AK6: variants seen among roughly 807,000 people sequenced by gnomAD.
AK6 encodes adenylate kinase isoenzyme 6.
A neutral mutation model predicts 23.7 loss-of-function variants in AK6; 24 were observed. The ratio of observed to expected loss-of-function variants is 1.01; its 90% CI spans 0.73 to 1.43. The LOEUF (loss-of-function observed/expected upper bound fraction) is 1.43. AK6 is among the 40% of genes most tolerant of loss of function. The pLI is 0.00. For missense variants in AK6, 191 were observed against 199.1 expected (o/e 0.96, Z 0.24); for synonymous variants, 73 against 69.8 (o/e 1.05, Z -0.23).
intron 4 of AK6, 135 bp from the exon 5 acceptor site, chr5:69,352,388 T>C: frequency 1.6e-6 from 1 of 620,348 alleles, no homozygotes; most frequent in Non-Finnish European, 2.7e-6. Flanking sequence ...TAGAGAGGAG[T>C]GACTGGTACC....
At chr5:69,369,322 G>A (rs901160778) in intron 1 of AK6, 141 bp downstream of exon 1, 11 of 716,568 alleles carry the variant, frequency 1.5e-5, no homozygotes, top group Non-Finnish European at 2.1e-5. Context: ...GTCGGCTCCC[G>A]GGGCGCTGAC....
intron 1 of AK6, chr5:69,367,930 G>T (rs1163338630): frequency 1.3e-5 from 2 of 152,212 alleles, no homozygotes; most frequent in Non-Finnish European, 1.5e-5. Context: ...TTTGGGAGGA[G>T]AAGGCGGGAG....
At chr5:69,353,631 T>C (rs956186106) in intron 4 of AK6, among the ~76,000 whole-genome samples, 1 of 152,162 alleles carries the variant, frequency 6.6e-6, no homozygotes, top group Non-Finnish European at 1.5e-5. Context: ...GTAATGATTG[T>C]ACAACTTTTT....
rs1200661772 is a variant in AK6 at position 69,352,222 on chromosome 5, T to C, written c.358A>G (p.Ile120Val). 2.2e-5 allele frequency: 35 copies of C among 1,613,650 alleles called. No individual in the cohort carries two copies. The highest frequency in any genetic ancestry group is 3.0e-5 in the Non-Finnish European group (35 of 1,179,756). Residue 120 changes from isoleucine (I) to valine (V), a missense_variant, in exon 5 of 5, where the codon ATT becomes GTT. By Grantham distance (29) the Ile-to-Val change is conservative. Coordinates refer to ENST00000380822, the MANE Select transcript of AK6 (RefSeq NM_016283.5). ...AGAACTTGAAAAATCTCACACTGAATATTGTCTGTTAGTTTCTTCTCATTA... is the reference window on the plus strand; with the variant it reads ...AGAACTTGAAAAATCTCACACTGAACATTGTCTGTTAGTTTCTTCTCATTA... ...GYNEKKLTDN[I>V]QCEIFQVLYE...
Position 69,369,236 on chromosome 5 carries a change from G to GC in AK6, c.28+226dup, listed in dbSNP as rs35387047. 5.3e-3 allele frequency: 634 copies of GC among 119,544 alleles called. 5 individuals carry two copies. The highest frequency in any genetic ancestry group is 0.016 in the African/African-American group (395 of 25,232). 7.4% of individuals were successfully genotyped at this position (119,544 alleles called of 1,614,324 possible). A position where few individuals can be genotyped will look rare whatever the true frequency, so the allele number is the denominator to read the frequency against. ...TGCCGACCTCTCTCCACCCCCCCCCGCCCCCCCCCGGAGCCTCAGGCCAAC... is the reference window on the plus strand; with the variant it reads ...TGCCGACCTCTCTCCACCCCCCCCCGCCCCCCCCCCGGAGCCTCAGGCCAAC... On this transcript the variant is annotated intron_variant, in intron 1 of 4. Coordinates refer to ENST00000380822, the MANE Select transcript of AK6 (RefSeq NM_016283.5).
Position 69,352,080 on chromosome 5 carries a change from A to T in AK6, c.500T>A (p.Ile167Asn). ...DQILKWIEQW[I>N]KDHNS ...TATAAGTCAAGAGTTATGATCTTTG[A>T]TCCACTGCTCAATCCATTTCAAGAT... The change falls in exon 5 of 5, where the codon ATC becomes AAC. Residue 167 changes from isoleucine (I) to asparagine (N), a missense_variant. By Grantham distance (149) the Ile-to-Asn change is moderately radical. Coordinates refer to ENST00000380822, the MANE Select transcript of AK6 (RefSeq NM_016283.5). 1 of 1,611,110 alleles carries T rather than the reference A, an allele frequency of 6.2e-7. No homozygotes were observed. Among genetic ancestry groups the T allele is most frequent in the Non-Finnish European group, 8.5e-7 (1 of 1,179,202 alleles).
rs1022385507 is a variant in AK6, at chr5:69,369,307, C to G, written c.28+156G>C. 1.8e-5 allele frequency: 13 copies of G among 717,870 alleles called. No homozygotes were observed. In the South Asian group the frequency reaches 3.3e-4, roughly 18 times the overall value. 44.5% of individuals were successfully genotyped at this position (717,870 alleles called of 1,614,324 possible). ...CCTCCCTCGCCTCCCGCAACGCCCG[C>G]GAGGGTCGGCTCCCGGGGCGCTGAC... On this transcript the variant is annotated intron_variant, in intron 1 of 4. Coordinates refer to ENST00000380822, the MANE Select transcript of AK6 (RefSeq NM_016283.5).
intron 2 of AK6, chr5:69,365,595 G>A: frequency 1.2e-6 from 2 of 1,614,056 alleles, no homozygotes; most frequent in Non-Finnish European, 1.7e-6. Context: ...TAGAATTGTG[G>A]TCACATATCG....
chr5:69,364,773 A>G (rs1177185706), intron 2 of AK6: 3 of 702,074 alleles, frequency 4.3e-6, no homozygotes, highest in Non-Finnish European at 7.2e-6. Context: ...TTTTTCTTAC[A>G]CTTTTAAGGC....
chr5:69,367,258 A>C (rs971099025), intron 1 of AK6, among the ~76,000 whole-genome samples: 8 of 151,762 alleles, frequency 5.3e-5, no homozygotes, highest in Non-Finnish European at 1.0e-4. Context: ...CATGCCTGTA[A>C]TCACCGCACT....
chr5:69,358,745 T>C (rs971759432), intron 2 of AK6, among the ~76,000 whole-genome samples: 2 of 152,102 alleles, frequency 1.3e-5, no homozygotes, highest in Non-Finnish European at 2.9e-5. Flanking sequence ...ATAAATTTTA[T>C]GCTACTTTAG....
rs1321406499 is a variant in AK6 at position 69,369,443 on chromosome 5, T to C, written c.28+20A>G. On this transcript the variant is annotated intron_variant, in intron 1 of 4. Coordinates refer to ENST00000380822, the MANE Select transcript of AK6 (RefSeq NM_016283.5). The stretch of plus-strand genomic sequence containing the variant: ...CCCCAGCCTGCCCCAGCCCAGTCCC[T>C]CCCGGCCGCGCGCCCTGACCGGTGA... 5 of 1,608,502 alleles carry C rather than the reference T, an allele frequency of 3.1e-6. No homozygotes were observed. In the African/African-American group the frequency reaches 6.7e-5, roughly 22 times the overall value.
chr5:69,359,452 C>T (rs1180728291), intron 2 of AK6, among the ~76,000 whole-genome samples: 2 of 151,976 alleles, frequency 1.3e-5, no homozygotes, highest in East Asian at 3.9e-4. Flanking sequence ...ACCATGTTGG[C>T]CAGGCTGGTC....
chr5:69,365,164 G>A (rs1762365240), intron 2 of AK6: 1 of 1,614,182 alleles, frequency 6.2e-7, no homozygotes, highest in Non-Finnish European at 8.5e-7. Flanking sequence ...TGAGAAGTAG[G>A]CATCTGTACT....
chr5:69,358,564 T>C (rs1762145084), intron 2 of AK6, among the ~76,000 whole-genome samples: 1 of 144,244 alleles, frequency 6.9e-6, no homozygotes, highest in African/African-American at 2.6e-5. Context: ...TGAACCAATA[T>C]ATGCTGTCTA....
At chr5:69,365,713 G>C (rs1413065395) in intron 2 of AK6, 1 of 1,565,510 alleles carries the variant, frequency 6.4e-7, no homozygotes, top group Non-Finnish European at 8.7e-7. Context: ...ATGCTCTTGG[G>C]AGAAGCCGTC....
At chr5:69,369,642 C>T (rs771637150), upstream of AK6, 86 of 1,563,432 alleles carry the variant, frequency 5.5e-5, no homozygotes, top group Non-Finnish European at 7.4e-5. Context: ...GGCCCAGCCG[C>T]GGCCCACTGG....
At chr5:69,366,799 C>T (rs1762448800) in intron 1 of AK6, 3 of 549,466 alleles carry the variant, frequency 5.5e-6, no homozygotes, top group Non-Finnish European at 9.8e-6. Context: ...ACTCTTGTCG[C>T]CCAGGCTGGA....
At chr5:69,369,242 C>CCCCCCCCA in intron 1 of AK6, 1 of 252,652 alleles carries the variant, frequency 4.0e-6, no homozygotes. Context: ...CCCCGCCCCC[C>CCCCCCCCA]CCCGGAGCCT....
Sources: allele counts gnomAD v4.1 joint callset (sites outside exome capture counted in the v4.1 genomes callset), GRCh38; gene constraint gnomAD v4.1.1; transcripts MANE v1.5; gene names NCBI Gene and HGNC (gene_info 2026-07-23, HGNC 2026-07-21).